NTM: variants seen among roughly 807,000 people sequenced by gnomAD.
NTM encodes the protein neurotrimin.
A neutral mutation model predicts 42.1 loss-of-function variants in NTM; 13 were observed. That is an observed-to-expected ratio of 0.31 (90% confidence interval 0.20 to 0.49). The LOEUF (loss-of-function observed/expected upper bound fraction) is 0.49. Among genes scored for constraint, NTM ranks in the 20% least tolerant of loss-of-function variants. The pLI is 0.99. For synonymous variants in NTM, 187 were observed against 179.2 expected (o/e 1.04, Z -0.35); for missense variants, 373 against 452.8 (o/e 0.82, Z 1.60).
intron 1 of NTM, among the ~76,000 whole-genome samples, chr11:131,504,274 G>A (rs2047208481): frequency 6.6e-6 from 1 of 152,136 alleles, no homozygotes; most frequent in African/African-American, 2.4e-5. Context: ...ACTCTGACTT[G>A]CAAATGCAGA....
intron 1 of NTM, among the ~76,000 whole-genome samples, chr11:131,592,647 A>ACACAC (rs2059468474): frequency 7.1e-6 from 1 of 140,688 alleles, no homozygotes; most frequent in Admixed American, 7.1e-5. Flanking sequence ...ACACACCCCA[A>ACACAC]ACACACACAC....
intron 1 of NTM, chr11:131,605,953 T>C (rs2060914958): frequency 1.1e-6 from 1 of 893,284 alleles, no homozygotes; most frequent in Admixed American, 6.2e-5. Context: ...GTAAATATTC[T>C]TTCACTATTC....
At chr11:131,861,271 A>T (rs986747517) in intron 1 of NTM, among the ~76,000 whole-genome samples, 4 of 152,204 alleles carry the variant, frequency 2.6e-5, no homozygotes, top group African/African-American at 9.6e-5. Context: ...CCAAGTGCTA[A>T]AAAGACTTTA....
At chr11:131,661,045 A>T (rs1471329747) in intron 1 of NTM, 1 of 1,304,326 alleles carries the variant, frequency 7.7e-7, no homozygotes, top group Non-Finnish European at 1.0e-6. Flanking sequence ...ATGGAAGGGC[A>T]CAGGTAGGTG....
chr11:131,871,476 C>A (rs2047776166), intron 1 of NTM, among the ~76,000 whole-genome samples: 2 of 152,304 alleles, frequency 1.3e-5, no homozygotes, highest in South Asian at 4.1e-4. Flanking sequence ...CAGGCAGACA[C>A]AGCATGACTG....
intron 3 of NTM, among the ~76,000 whole-genome samples, chr11:132,199,563 C>T (rs2080836086): frequency 6.6e-6 from 1 of 152,104 alleles, no homozygotes; most frequent in South Asian, 2.1e-4. Flanking sequence ...CCCTCTGTAT[C>T]CATAGATAGG....
At chr11:131,952,142 A>G (rs1225162747) in intron 2 of NTM, among the ~76,000 whole-genome samples, 1 of 152,094 alleles carries the variant, frequency 6.6e-6, no homozygotes, top group Admixed American at 6.6e-5. Flanking sequence ...AGGACAGCCT[A>G]AATGTCCCTA....
At chr11:131,781,090 TA>T (rs1478200968) in intron 1 of NTM, among the ~76,000 whole-genome samples, 1 of 151,940 alleles carries the variant, frequency 6.6e-6, no homozygotes, top group Non-Finnish European at 1.5e-5. Flanking sequence ...GAAAAAGAGA[TA>T]AAATAGAAAA....
At chr11:132,139,665 G>A (rs965649687) in intron 2 of NTM, among the ~76,000 whole-genome samples, 5 of 152,204 alleles carry the variant, frequency 3.3e-5, no homozygotes, top group African/African-American at 1.2e-4. Context: ...CACACACAGT[G>A]ACCAGGTGTT....
At chr11:131,763,907 T>C (rs934853697) in intron 1 of NTM, among the ~76,000 whole-genome samples, 1 of 151,984 alleles carries the variant, frequency 6.6e-6, no homozygotes, top group African/African-American at 2.4e-5. Flanking sequence ...TCAAGACATG[T>C]AAGTTTTATT....
chr11:131,910,370 C>A (rs1011774800), intron 1 of NTM, among the ~76,000 whole-genome samples: 1 of 152,106 alleles, frequency 6.6e-6, no homozygotes, highest in Non-Finnish European at 1.5e-5. Flanking sequence ...GTCTTTTTTC[C>A]TAATTTGGAA....
intron 1 of NTM, among the ~76,000 whole-genome samples, chr11:131,541,925 C>T (rs537269335): frequency 6.6e-6 from 1 of 152,276 alleles, no homozygotes; most frequent in African/African-American, 2.4e-5. Flanking sequence ...TATACACAGG[C>T]TCAATGTTAA....
At chr11:131,477,021 T>C (rs1349368172) in intron 1 of NTM, among the ~76,000 whole-genome samples, 1 of 152,028 alleles carries the variant, frequency 6.6e-6, no homozygotes, top group Non-Finnish European at 1.5e-5. Context: ...AGAGTGATAA[T>C]AGATTCAGCT....
At chr11:131,832,192 A>G (rs915103617) in intron 1 of NTM, among the ~76,000 whole-genome samples, 5 of 150,002 alleles carry the variant, frequency 3.3e-5, no homozygotes, top group African/African-American at 1.2e-4. Context: ...TAGAAGAGAA[A>G]AAAAAAAAAA....
At chr11:131,426,735 T>C (rs2135877609) in intron 1 of NTM, among the ~76,000 whole-genome samples, 1 of 152,260 alleles carries the variant, frequency 6.6e-6, no homozygotes, top group African/African-American at 2.4e-5. Flanking sequence ...AGTAGGCAAG[T>C]GGCAGGTTGC....
At chr11:131,442,638 G>C (rs1483390963) in intron 1 of NTM, among the ~76,000 whole-genome samples, 2 of 152,014 alleles carry the variant, frequency 1.3e-5, no homozygotes, top group African/African-American at 4.8e-5. Context: ...TGTACCCATT[G>C]CTTAGCTCCC....
intron 2 of NTM, among the ~76,000 whole-genome samples, chr11:132,044,986 C>CA (rs1459773814): frequency 6.6e-6 from 1 of 152,000 alleles, no homozygotes; most frequent in Non-Finnish European, 1.5e-5. Flanking sequence ...GAAAATATTC[C>CA]AAAAAATTGA....
intron 2 of NTM, among the ~76,000 whole-genome samples, chr11:131,988,185 G>A (rs952536834): frequency 6.6e-6 from 1 of 152,126 alleles, no homozygotes; most frequent in Non-Finnish European, 1.5e-5. Context: ...CACTTATGGG[G>A]GTTCCACACT....
chr11:131,837,772 C>T (rs1048373365), intron 1 of NTM, among the ~76,000 whole-genome samples: 3 of 151,916 alleles, frequency 2.0e-5, no homozygotes, highest in African/African-American at 4.8e-5. Flanking sequence ...CCAGGCCCCA[C>T]GCTGGGGGAG....
Sources: allele counts gnomAD v4.1 joint callset (sites outside exome capture counted in the v4.1 genomes callset), GRCh38; gene constraint gnomAD v4.1.1; transcripts MANE v1.5; gene names NCBI Gene and HGNC (gene_info 2026-07-23, HGNC 2026-07-21).